The following SSR2 variants were observed in gnomAD, a reference collection of about 807,000 sequenced individuals.
SSR2 encodes the protein translocon-associated protein subunit beta.
A neutral mutation model predicts 22.6 loss-of-function variants in SSR2; 16 were observed. That is an observed-to-expected ratio of 0.71 (90% CI 0.48 to 1.08). The LOEUF (loss-of-function observed/expected upper bound fraction) is 1.08. Ranked by LOEUF, SSR2 falls within the 50% of genes least tolerant of loss-of-function variation. SSR2 has a pLI of 0.00. For missense variants in SSR2, 171 were observed against 221.6 expected, an observed-to-expected ratio of 0.77 and a Z score of 1.45; for synonymous variants, 83 against 91.2, an observed-to-expected ratio of 0.91 and a Z score of 0.51.
At chr1:156,015,584 T>A (rs1193382098) in intron 3 of SSR2, among the ~76,000 whole-genome samples, 1 of 142,848 alleles carries the variant, frequency 7.0e-6, no homozygotes, top group Non-Finnish European at 1.5e-5. Flanking sequence ...TTTACTGATT[T>A]TTTTAAATAT....
chr1:156,011,594 A>G, intron 5 of SSR2: 1 of 410,222 alleles, frequency 2.4e-6, no homozygotes, highest in Non-Finnish European at 4.5e-6. Context: ...ACTCTACTTA[A>G]GTCAGTTTTA....
chr1:156,020,470 C>T, intron 1 of SSR2: 1 of 334,478 alleles, frequency 3.0e-6, no homozygotes, highest in South Asian at 2.7e-5. Flanking sequence ...CAGAGCAGGG[C>T]TTCCTTGGGG....
chr1:156,011,153 G>C (rs1034004919), intron 5 of SSR2: 5 of 152,000 alleles, frequency 3.3e-5, no homozygotes, highest in African/African-American at 9.7e-5. Flanking sequence ...TTCAGAGGCA[G>C]GGTTTTGCTG....
chr1:156,017,155 T>C (rs780277055), intron 3 of SSR2, among the ~76,000 whole-genome samples: 18 of 152,058 alleles, frequency 1.2e-4, no homozygotes, highest in Non-Finnish European at 2.5e-4. Flanking sequence ...CTAGCAATCC[T>C]CTCACCTCCA....
In SSR2 at chr1:156,016,243, T is replaced by G. The variant is rs137866666; in HGVS notation, c.255-1174A>C. Among the ~76,000 whole-genome samples the G allele has an allele frequency of 2.1e-3, 319 of 152,206 alleles. 1 individual carries two copies. The highest frequency in any genetic ancestry group is 7.4e-3 in the African/African-American group (306 of 41,508). On this transcript the variant is annotated intron_variant, in intron 3 of 5. Coordinates refer to ENST00000295702, the MANE Select transcript of SSR2 (RefSeq NM_003145.4). ...TTAAGCTCACAGAAAATCTTTTTTT[T>G]TTGTTTTTTTTTGACAGTCTCGCTC...
intron 3 of SSR2, among the ~76,000 whole-genome samples, chr1:156,015,678 T>C (rs1683045195): frequency 6.7e-6 from 1 of 149,758 alleles, no homozygotes; most frequent in African/African-American, 2.4e-5. Flanking sequence ...TCCTCCCACC[T>C]TGGCCTCCCA....
chr1:156,015,401 G>C (rs1558077357), intron 3 of SSR2, among the ~76,000 whole-genome samples: 1 of 149,376 alleles, frequency 6.7e-6, no homozygotes, highest in Non-Finnish European at 1.5e-5. Flanking sequence ...CAGCTACTCG[G>C]GAGGCTGAGG....
At chr1:156,020,308 G>C in intron 1 of SSR2, 141 bp from the exon 2 acceptor site, 1 of 790,708 alleles carries the variant, frequency 1.3e-6, no homozygotes, top group Non-Finnish European at 2.0e-6. Context: ...TAAGCCACCA[G>C]AGCAGACCCG....
In SSR2 at chr1:156,020,879, CG is replaced by C. The variant is rs1558079198; in HGVS notation, c.-1+8del. 2.1e-6 allele frequency: 1 copy of C among 471,198 alleles called. No individual in the cohort carries two copies. The highest frequency in any genetic ancestry group is 6.9e-5 in the East Asian group (1 of 14,484). The allele number at this position is 471,198 out of a possible 1,614,324, so 29.2% of individuals were successfully genotyped here. On this transcript the variant is annotated splice_region_variant and intron_variant, in intron 1 of 5. Transcript: ENST00000295702. ...CTCCCGTTCGGACGCCCTAAGCCTC[CG>C]GACTTACCGTTGGCATCCCAAACGC...
rs1157947261 is a variant in SSR2 at position 156,009,329 on chromosome 1, T to C, written c.*211A>G. 2.0e-6 allele frequency: 1 copy of C among 512,412 alleles called. No individual in the cohort carries two copies. The highest frequency in any genetic ancestry group is 2.6e-5 in the South Asian group (1 of 37,970). The allele number at this position is 512,412 out of a possible 1,614,324, so 31.7% of individuals were successfully genotyped here. On this transcript the variant is annotated 3_prime_UTR_variant, in exon 6 of 6. Transcript: ENST00000295702. ...CTATTGCCAAAGGCATTCCTGTTTATGGCTTCACGATGGAACCAAGGAGGC... is the reference window on the plus strand; with the variant it reads ...CTATTGCCAAAGGCATTCCTGTTTACGGCTTCACGATGGAACCAAGGAGGC...
Position 156,015,505 on chromosome 1 carries a change from C to CAAAAAA in SSR2, c.255-442_255-437dup, listed in dbSNP as rs1169214264. On this transcript the variant is annotated intron_variant, in intron 3 of 5. Coordinates refer to ENST00000295702, the MANE Select transcript of SSR2 (RefSeq NM_003145.4). ...TGGGTAACAGAGTGAGACTCCGCCT[C>CAAAAAA]AAAAAAAAAAAAAAAAAAAAAAAAA... Among the ~76,000 whole-genome samples, 35 of 41,030 alleles carry CAAAAAA rather than the reference C, an allele frequency of 8.5e-4. 5 individuals carry two copies. The highest frequency in any genetic ancestry group is 1.2e-3 in the African/African-American group (9 of 7,328). The allele number at this position is 41,030 out of a possible 152,430, so 26.9% of individuals were successfully genotyped here.
At chr1:156,020,720 C>G in intron 1 of SSR2, 168 bp downstream of exon 1, 1 of 357,394 alleles carries the variant, frequency 2.8e-6, no homozygotes, top group Non-Finnish European at 5.7e-6. Context: ...GGGCGGGGGT[C>G]AATCACCTCT....
intron 3 of SSR2, 110 bp downstream of exon 3, chr1:156,018,158 GAT>G (rs1683087336): frequency 1.3e-6 from 1 of 746,550 alleles, no homozygotes; most frequent in Non-Finnish European, 2.4e-6. Flanking sequence ...TATCCAGAGA[GAT>G]GACAGGAGGA....
At chr1:156,018,396 T>C in intron 2 of SSR2, 28 bp from the exon 3 acceptor site, 1 of 1,573,784 alleles carries the variant, frequency 6.4e-7, no homozygotes, top group Non-Finnish European at 8.7e-7. Context: ...CAAAAAGGGT[T>C]AGTAAGTAAT....
At chr1:156,011,927 T>C (rs1682983489) in intron 4 of SSR2, 40 bp from the exon 5 acceptor site, 1 of 1,523,832 alleles carries the variant, frequency 6.6e-7, no homozygotes, top group African/African-American at 1.4e-5. Flanking sequence ...GAAGTCCACC[T>C]CATGAAGTTC....
intron 3 of SSR2, among the ~76,000 whole-genome samples, chr1:156,016,289 A>G (rs892719183): frequency 6.6e-6 from 1 of 151,434 alleles, no homozygotes; most frequent in African/African-American, 2.4e-5. Flanking sequence ...GCTGAAGTGC[A>G]GTGGCATGAT....
chr1:156,020,203 A>C (rs1193393545), intron 1 of SSR2, 36 bp from the exon 2 acceptor site: 1 of 1,610,152 alleles, frequency 6.2e-7, no homozygotes, highest in Non-Finnish European at 8.5e-7. Context: ...TATCAAACCA[A>C]GTACGTCAAA....
At chr1:156,013,919 A>G (rs11577179) in intron 4 of SSR2, 79,724 of 152,068 alleles carry the variant, frequency 0.52, 22,404 homozygotes, top group Non-Finnish European at 0.63. Context: ...GAATGAAGAG[A>G]AGGGGAAGGC....
chr1:156,018,185 C>T (rs1052357735), intron 3 of SSR2, 85 bp downstream of exon 3: 12 of 970,040 alleles, frequency 1.2e-5, no homozygotes, highest in Non-Finnish European at 2.0e-5. Context: ...CACACATATC[C>T]AGCCTATTTG....
Sources: allele counts gnomAD v4.1 joint callset (sites outside exome capture counted in the v4.1 genomes callset), GRCh38; gene constraint gnomAD v4.1.1; transcripts MANE v1.5; gene names NCBI Gene and HGNC (gene_info 2026-07-23, HGNC 2026-07-21).